The following PPM1H variants were observed in gnomAD, a reference collection of about 807,000 sequenced individuals.
PPM1H encodes protein phosphatase, Mg2+/Mn2+ dependent 1H.
Under a neutral mutation model 54.9 loss-of-function variants are expected in PPM1H, and 27 were observed. That is an observed-to-expected ratio of 0.49 (90% CI 0.36 to 0.68). PPM1H has a LOEUF of 0.68. Ranked by LOEUF, PPM1H falls within the 30% of genes least tolerant of loss-of-function variation. The probability of loss-of-function intolerance (pLI) is 0.00; values close to 1 mark genes in which losing one functional copy is unlikely to be tolerated. For synonymous variants in PPM1H, 305 were observed against 270.8 expected (o/e 1.13, Z -1.24); for missense variants, 596 against 667.8 (o/e 0.89, Z 1.19).
chr12:62,847,121 G>A (rs1498662), intron 1 of PPM1H, among the ~76,000 whole-genome samples: 39,324 of 151,956 alleles, frequency 0.26, 9,225 homozygotes, highest in African/African-American at 0.62. Context: ...GGGCCCTTCT[G>A]TGAAAAATGA....
rs761957398 is a variant in PPM1H at position 62,801,936 on chromosome 12, C to T, written c.636G>A (p.Leu212=). 9 of 1,612,842 alleles carry T rather than the reference C, an allele frequency of 5.6e-6. No individual in the cohort carries two copies. The East Asian group carries it at 2.0e-4, about 36-fold the overall frequency. The stretch of plus-strand genomic sequence containing the variant: ...AGCCCGGGGCCCCCACCCCTCCGCG[C>T]AGGGAGGCTGCCCGGGTCAGAGTCC... ...NSRTLTRAAS[L]RGGVGAPGSP... The change falls in exon 3 of 10, where the codon CTG becomes CTA. Residue 212 remains leucine (L), a synonymous_variant. Transcript: ENST00000228705.
intron 1 of PPM1H, among the ~76,000 whole-genome samples, chr12:62,836,617 C>T (rs2120874940): frequency 6.6e-6 from 1 of 152,138 alleles, no homozygotes; most frequent in South Asian, 2.1e-4. Flanking sequence ...AATTCTATGA[C>T]TTATTAAGAT....
At chr12:62,704,348 T>C (rs1399388001) in intron 6 of PPM1H, among the ~76,000 whole-genome samples, 2 of 152,198 alleles carry the variant, frequency 1.3e-5, no homozygotes, top group Non-Finnish European at 2.9e-5. Flanking sequence ...CATCATTGTA[T>C]AGCAGGCTTT....
chr12:62,658,971 G>C, intron 9 of PPM1H: 1 of 713,606 alleles, frequency 1.4e-6, no homozygotes, highest in Non-Finnish European at 2.6e-6. Context: ...AGGTTCAAAG[G>C]CTAGATCTTG....
At chr12:62,658,799 G>A in intron 9 of PPM1H, 4 of 475,402 alleles carry the variant, frequency 8.4e-6, no homozygotes, top group South Asian at 7.5e-5. Context: ...AAGAAAGAGG[G>A]GCCATCTCCT....
intron 1 of PPM1H, among the ~76,000 whole-genome samples, chr12:62,926,458 C>T (rs767898870): frequency 1.1e-4 from 17 of 151,848 alleles, no homozygotes; most frequent in Non-Finnish European, 2.2e-4. Flanking sequence ...GAAATAGAAG[C>T]CATAGAGGAG....
chr12:62,720,566 C>G (rs932835998), intron 5 of PPM1H: 2 of 378,884 alleles, frequency 5.3e-6, no homozygotes, highest in Non-Finnish European at 9.7e-6. Flanking sequence ...CTGAGCTTCT[C>G]TCTAAAGAAT....
At chr12:62,711,802 G>A (rs888408337) in intron 6 of PPM1H, among the ~76,000 whole-genome samples, 1 of 152,146 alleles carries the variant, frequency 6.6e-6, no homozygotes, top group African/African-American at 2.4e-5. Context: ...TGTGTAGGGT[G>A]AGTGATGATC....
intron 1 of PPM1H, among the ~76,000 whole-genome samples, chr12:62,930,025 A>G (rs1371035226): frequency 6.6e-6 from 1 of 152,184 alleles, no homozygotes; most frequent in Non-Finnish European, 1.5e-5. Context: ...GGGAAAAAGA[A>G]AGGCCAGGGG....
chr12:62,664,796 T>C (rs1215587603), intron 9 of PPM1H, among the ~76,000 whole-genome samples: 3 of 152,240 alleles, frequency 2.0e-5, no homozygotes, highest in Non-Finnish European at 4.4e-5. Flanking sequence ...AGAGGTTAGT[T>C]GGCGGTAATA....
At chr12:62,760,000 C>A (rs1053101263) in intron 4 of PPM1H, among the ~76,000 whole-genome samples, 18 of 152,148 alleles carry the variant, frequency 1.2e-4, no homozygotes, top group Non-Finnish European at 2.4e-4. Context: ...GGCAACCTTC[C>A]ACCCTCCATT....
chr12:62,860,945 C>T (rs974246549), intron 1 of PPM1H, among the ~76,000 whole-genome samples: 7 of 152,202 alleles, frequency 4.6e-5, no homozygotes, highest in South Asian at 2.1e-4. Context: ...CTTCCAGATG[C>T]ATCATCTTCC....
intron 4 of PPM1H, chr12:62,756,106 C>T (rs2076472746): frequency 2.1e-5 from 19 of 917,186 alleles, no homozygotes; most frequent in Non-Finnish European, 3.0e-5. Flanking sequence ...CACTCTTCAA[C>T]CTTTGATGCT....
At chr12:62,821,459 A>C (rs2076902658) in intron 2 of PPM1H, among the ~76,000 whole-genome samples, 1 of 152,172 alleles carries the variant, frequency 6.6e-6, no homozygotes, top group Non-Finnish European at 1.5e-5. Context: ...CAACCCCAAG[A>C]CACATTAATT....
chr12:62,913,297 TAG>T (rs367843498), intron 1 of PPM1H, among the ~76,000 whole-genome samples: 1 of 152,110 alleles, frequency 6.6e-6, no homozygotes, highest in African/African-American at 2.4e-5. Context: ...CTTCGTGGAC[TAG>T]AGAGTGAGCA....
chr12:62,725,860 T>C (rs1247891774), intron 5 of PPM1H, among the ~76,000 whole-genome samples: 1 of 152,150 alleles, frequency 6.6e-6, no homozygotes, highest in African/African-American at 2.4e-5. Context: ...CGTGTCTTAG[T>C]TCTGAGGAAA....
chr12:62,713,420 G>A (rs1032539892), intron 6 of PPM1H, among the ~76,000 whole-genome samples: 3 of 152,090 alleles, frequency 2.0e-5, no homozygotes, highest in Non-Finnish European at 4.4e-5. Flanking sequence ...GGGGAGGTGC[G>A]CTACTGACTA....
chr12:62,694,111 C>T, intron 6 of PPM1H, 112 bp from the exon 7 acceptor site: 1 of 863,200 alleles, frequency 1.2e-6, no homozygotes. Flanking sequence ...CCACTCACCA[C>T]ACTGACTACC....
rs59673617 is a variant in PPM1H at position 62,852,228 on chromosome 12, C to CAAAAAAA, written c.246-19956_246-19950dup. On this transcript the variant is annotated intron_variant, in intron 1 of 9. Transcript: ENST00000228705. ...TGGGTGACAGAGCGAGACTCTGTCT[C>CAAAAAAA]AAAAAAAAAAAAAAAAAAAAAAAGA... 1.1e-3 allele frequency among the ~76,000 whole-genome samples: 65 copies of CAAAAAAA among 60,384 alleles called. 2 individuals are homozygous for CAAAAAAA. The highest frequency in any genetic ancestry group is 2.5e-3 in the African/African-American group (42 of 16,518). 39.6% of individuals were successfully genotyped at this position (60,384 alleles called of 152,430 possible).
Sources: gnomAD v4.1 joint callset for allele counts (sites outside exome capture counted in the v4.1 genomes callset) on GRCh38, gnomAD v4.1.1 for gene constraint, MANE v1.5 for transcripts, NCBI Gene and HGNC (gene_info 2026-07-23, HGNC 2026-07-21) for gene names.